The following PPM1L variants were observed in gnomAD, a reference collection of about 807,000 sequenced individuals.
PPM1L encodes the protein protein phosphatase, Mg2+/Mn2+ dependent 1L.
PPM1L carries 13 observed loss-of-function variants against 31.4 expected under a neutral mutation model. The ratio of observed to expected loss-of-function variants is 0.41; its 90% CI spans 0.27 to 0.66. PPM1L has a LOEUF of 0.66. PPM1L is among the 30% of genes least tolerant of loss of function. The pLI, the probability that PPM1L is intolerant of heterozygous loss-of-function variation, is 0.29. For missense variants in PPM1L, 326 were observed against 453.7 expected (o/e 0.72, Z 2.56); for synonymous variants, 184 against 175.4 (o/e 1.05, Z -0.39).
intron 1 of PPM1L, among the ~76,000 whole-genome samples, chr3:160,877,017 C>T (rs570610775): frequency 2.0e-5 from 3 of 152,160 alleles, no homozygotes; most frequent in East Asian, 1.9e-4. Flanking sequence ...GACATTGCCA[C>T]GTTCTGGAGA....
At chr3:160,915,606 A>G (rs976969410) in intron 1 of PPM1L, among the ~76,000 whole-genome samples, 1 of 152,206 alleles carries the variant, frequency 6.6e-6, no homozygotes, top group Non-Finnish European at 1.5e-5. Context: ...TGCCAAGTCA[A>G]TCCTAAGCCA....
rs1174306619 is a variant in PPM1L, at chr3:161,068,911, C to T, written c.837C>T (p.Ile279=). 4 of 1,613,990 alleles carry T rather than the reference C, an allele frequency of 2.5e-6. No individual in the cohort carries two copies. The South Asian group carries it at 4.4e-5, about 18-fold the overall frequency. The change falls in exon 4 of 4, where the codon ATC becomes ATT. Residue 279 remains isoleucine, a synonymous_variant. Coordinates refer to ENST00000498165, the MANE Select transcript of PPM1L (RefSeq NM_139245.4). The part of the protein sequence containing the change: ...DYPLKNLNVV[I]PDPDILTFDL... ...CGCTGAAAAATCTCAACGTGGTCAT[C>T]CCAGACCCAGACATCCTGACCTTTG...
chr3:160,763,677 G>GAATGGCATA (rs1385861174), intron 1 of PPM1L, among the ~76,000 whole-genome samples: 1 of 152,192 alleles, frequency 6.6e-6, no homozygotes, highest in Non-Finnish European at 1.5e-5. Flanking sequence ...TACTGTATAG[G>GAATGGCATA]AATGGCATAA....
intron 1 of PPM1L, among the ~76,000 whole-genome samples, chr3:160,956,244 T>C (rs1715771048): frequency 6.6e-6 from 1 of 152,176 alleles, no homozygotes; most frequent in Non-Finnish European, 1.5e-5. Context: ...ATGGGTAATA[T>C]AAATATATGT....
intron 1 of PPM1L, among the ~76,000 whole-genome samples, chr3:160,850,783 G>T (rs982274816): frequency 2.0e-5 from 3 of 151,958 alleles, no homozygotes; most frequent in Admixed American, 1.3e-4. Context: ...TGCTTAGCCA[G>T]CTCTCAATCT....
chr3:160,938,190 C>G (rs971283621), intron 1 of PPM1L, among the ~76,000 whole-genome samples: 5 of 152,116 alleles, frequency 3.3e-5, no homozygotes, highest in Admixed American at 3.3e-4. Context: ...TGTTCATTGT[C>G]CCTAATGTGA....
chr3:161,013,444 C>T (rs936736255), intron 2 of PPM1L, among the ~76,000 whole-genome samples: 1 of 152,136 alleles, frequency 6.6e-6, no homozygotes, highest in Non-Finnish European at 1.5e-5. Context: ...TTACTTCCAA[C>T]TATGTGGTCA....
At chr3:160,857,980 C>A (rs905454143) in intron 1 of PPM1L, among the ~76,000 whole-genome samples, 2 of 152,156 alleles carry the variant, frequency 1.3e-5, no homozygotes, top group Non-Finnish European at 2.9e-5. Flanking sequence ...TTTGGTAGCC[C>A]TCTCCAGTAT....
chr3:160,925,799 G>C lies in PPM1L; in HGVS notation c.400-35937G>C, dbSNP rs1714567007. The stretch of plus-strand genomic sequence containing the variant: ...AAGAGTAAGTGGCTAGTCCAGAGCT[G>C]AAGAACTAATTAGGGGTAGGGCCAG... On this transcript the variant is annotated intron_variant, in intron 1 of 3. Transcript: ENST00000498165. Among the ~76,000 whole-genome samples, 4 of 152,180 alleles carry C rather than the reference G, an allele frequency of 2.6e-5. No individual in the cohort carries two copies. In the South Asian group the frequency reaches 8.3e-4, roughly 32 times the overall value.
At chr3:161,058,423 C>T (rs1227986444) in intron 2 of PPM1L, among the ~76,000 whole-genome samples, 1 of 152,020 alleles carries the variant, frequency 6.6e-6, no homozygotes, top group East Asian at 1.9e-4. Flanking sequence ...CCACACCCAG[C>T]CCATCATTTT....
At chr3:160,788,156 C>G (rs1711989129) in intron 1 of PPM1L, among the ~76,000 whole-genome samples, 1 of 151,854 alleles carries the variant, frequency 6.6e-6, no homozygotes, top group South Asian at 2.1e-4. Flanking sequence ...TGAAAAACAA[C>G]TTTGGTAGTT....
intron 1 of PPM1L, among the ~76,000 whole-genome samples, chr3:160,848,061 A>G (rs1271866741): frequency 6.6e-6 from 1 of 152,156 alleles, no homozygotes; most frequent in Non-Finnish European, 1.5e-5. Context: ...AGACTCCTCA[A>G]AAGCAGGGTT....
chr3:160,812,788 A>G (rs1712850468), intron 1 of PPM1L, among the ~76,000 whole-genome samples: 1 of 152,182 alleles, frequency 6.6e-6, no homozygotes, highest in South Asian at 2.1e-4. Flanking sequence ...CAGGATTTCT[A>G]ACACCGTGAT....
Position 161,073,137 on chromosome 3 carries a change from A to T in PPM1L, c.*3980A>T, listed in dbSNP as rs761779967. On this transcript the variant is annotated 3_prime_UTR_variant, in exon 4 of 4. Transcript: ENST00000498165. ...GATGCTCTTCTAAATATAGGATTCT[A>T]GGATGAAATAAGTTTGGAAAACACA... The T allele has an allele frequency of 6.6e-6, 1 of 152,238 alleles. No individual in the cohort carries two copies. The highest frequency in any genetic ancestry group is 1.5e-5 in the Non-Finnish European group (1 of 68,048). The allele number at this position is 152,238 out of a possible 1,614,324, so 9.4% of individuals were successfully genotyped here.
chr3:160,787,804 A>G (rs998208606), intron 1 of PPM1L, among the ~76,000 whole-genome samples: 1 of 152,114 alleles, frequency 6.6e-6, no homozygotes, highest in African/African-American at 2.4e-5. Flanking sequence ...TCCAGTTTCA[A>G]TCTTCTGCAT....
chr3:160,784,158 T>A (rs1435959855), intron 1 of PPM1L, among the ~76,000 whole-genome samples: 1 of 152,112 alleles, frequency 6.6e-6, no homozygotes, highest in African/African-American at 2.4e-5. Context: ...TACTTGCTTT[T>A]AAAAAAAGCG....
rs576363546 is a variant in PPM1L, at chr3:160,936,182, C to T, written c.400-25554C>T. On this transcript the variant is annotated intron_variant, in intron 1 of 3. Coordinates refer to ENST00000498165, the MANE Select transcript of PPM1L (RefSeq NM_139245.4). ...TCGACTCACTGCAACCTCCGCCTTC[C>T]AGGTTCAAGCGATTCTCCTGCCTCA... 2.6e-5 allele frequency among the ~76,000 whole-genome samples: 4 copies of T among 152,178 alleles called. No homozygotes were observed. The South Asian group carries it at 6.2e-4, about 24-fold the overall frequency.
chr3:161,024,984 A>G (rs1039855384), intron 2 of PPM1L, among the ~76,000 whole-genome samples: 4 of 152,234 alleles, frequency 2.6e-5, no homozygotes, highest in African/African-American at 7.2e-5. Flanking sequence ...TTCTTCTTAA[A>G]TAAGCATGCC....
intron 1 of PPM1L, among the ~76,000 whole-genome samples, chr3:160,920,637 ACT>A (rs368845906): frequency 0.54 from 53,463 of 99,250 alleles, 11,213 homozygotes; most frequent in Middle Eastern, 0.59. Flanking sequence ...ACACACACAC[ACT>A]CACACACACA....
Sources: allele counts gnomAD v4.1 joint callset (sites outside exome capture counted in the v4.1 genomes callset), GRCh38; gene constraint gnomAD v4.1.1; transcripts MANE v1.5; gene names NCBI Gene and HGNC (gene_info 2026-07-23, HGNC 2026-07-21).